SPRYD4: variants seen among roughly 807,000 people sequenced by gnomAD.
SPRYD4 encodes SPRY domain-containing protein 4.
In SPRYD4, 12 loss-of-function variants were observed where a neutral mutation model predicts 16.6. The ratio of observed to expected loss-of-function variants is 0.72; its 90% CI spans 0.46 to 1.17. SPRYD4 has a LOEUF of 1.17. Among genes scored for constraint, SPRYD4 ranks in the 50% most tolerant of loss-of-function variants. The pLI is 0.00. For missense variants in SPRYD4, 260 were observed against 260.2 expected (o/e 1.00, Z 0.00); for synonymous variants, 98 against 105.4 (o/e 0.93, Z 0.43).
At position 56,478,107 on chromosome 12, in the gene SPRYD4, A is replaced by G. The variant is rs1489832157; in HGVS notation, c.*8530A>G. ...TGGCCCACAGAGTGCCTGGAGGCAGACAGATGCCATGAAAGGGGTTGGCCT... is the reference window on the plus strand; with the variant it reads ...TGGCCCACAGAGTGCCTGGAGGCAGGCAGATGCCATGAAAGGGGTTGGCCT... On this transcript the variant is annotated 3_prime_UTR_variant, in exon 2 of 2. Transcript: ENST00000338146. 14 of 1,614,070 alleles carry G rather than the reference A, an allele frequency of 8.7e-6. No homozygotes were observed. Among genetic ancestry groups the G allele is most frequent in the Non-Finnish European group, 1.1e-5 (13 of 1,179,946 alleles).
At position 56,469,025 on chromosome 12, in the gene SPRYD4, TGC is replaced by T; in HGVS notation, c.86-13_86-12del. ...AGCCCCTGTTATTATCCCGTCTTTTTGCTCTGCCCGCAGGCGTCAGTTTCAAA... is the reference window on the plus strand; with the variant it reads ...AGCCCCTGTTATTATCCCGTCTTTTTTCTGCCCGCAGGCGTCAGTTTCAAA... On this transcript the variant is annotated splice_polypyrimidine_tract_variant and intron_variant, in intron 1 of 1. Coordinates refer to ENST00000338146, the MANE Select transcript of SPRYD4 (RefSeq NM_207344.4). 2 of 1,542,498 alleles carry T rather than the reference TGC, an allele frequency of 1.3e-6. No individual in the cohort carries two copies. The highest frequency in any genetic ancestry group is 1.2e-5 in the South Asian group (1 of 80,568).
At chr12:56,468,736 A>G in intron 1 of SPRYD4, 60 bp downstream of exon 1, 1 of 1,557,058 alleles carries the variant, frequency 6.4e-7, no homozygotes, top group Non-Finnish European at 8.8e-7. Flanking sequence ...TTATTCCCAG[A>G]CCCCACTCCG....
chr12:56,475,226 C>G lies in SPRYD4; in HGVS notation c.*5649C>G, dbSNP rs772263719. On this transcript the variant is annotated 3_prime_UTR_variant, in exon 2 of 2. Coordinates refer to ENST00000338146, the MANE Select transcript of SPRYD4 (RefSeq NM_207344.4). ...CATCACACCACAAACTAAATGAACC[C>G]CTTTATAACTTCTCACAGTAATATT... The G allele has an allele frequency of 6.3e-7, 1 of 1,597,478 alleles. No individual in the cohort carries two copies.
At position 56,477,854 on chromosome 12, in the gene SPRYD4, CA is replaced by C; in HGVS notation, c.*8283del. The C allele has an allele frequency of 1.9e-6, 3 of 1,556,556 alleles. No individual in the cohort carries two copies. Among genetic ancestry groups the C allele is most frequent in the Non-Finnish European group, 2.6e-6 (3 of 1,147,154 alleles). ...GGGCTAATCAGGAAGGGCAGAGAAA[CA>C]AAAAAGGCTGGGAGATGGGGTGGGG... On this transcript the variant is annotated 3_prime_UTR_variant, in exon 2 of 2. Coordinates refer to ENST00000338146, the MANE Select transcript of SPRYD4 (RefSeq NM_207344.4).
chr12:56,472,531 TAA>T lies in SPRYD4; in HGVS notation c.*2961_*2962del. 1.5e-6 allele frequency: 1 copy of T among 662,112 alleles called. No individual in the cohort carries two copies. The highest frequency in any genetic ancestry group is 2.6e-6 in the Non-Finnish European group (1 of 385,718). 41.0% of individuals were successfully genotyped at this position (662,112 alleles called of 1,614,324 possible). On this transcript the variant is annotated 3_prime_UTR_variant, in exon 2 of 2. Transcript: ENST00000338146. ...CATAGAGCAGACAGTTTACTTTTTT[TAA>T]AAAAAATCTCCTTTTTTAAAAAAAT...
In SPRYD4 at chr12:56,474,519, A is replaced by G; in HGVS notation, c.*4942A>G. The G allele has an allele frequency of 6.2e-7, 1 of 1,612,780 alleles. No individual in the cohort carries two copies. The highest frequency in any genetic ancestry group is 1.1e-5 in the South Asian group (1 of 91,072). On this transcript the variant is annotated 3_prime_UTR_variant, in exon 2 of 2. Transcript: ENST00000338146. Reference sequence around the variant, plus strand: ...CTTCTTAGCACTGGGCTCATGACAGATGGATAGCAGAGCCAGAAACTCACG... The same window carrying G: ...CTTCTTAGCACTGGGCTCATGACAGGTGGATAGCAGAGCCAGAAACTCACG...
Position 56,471,393 on chromosome 12 carries a change from C to T in SPRYD4, c.*1816C>T, listed in dbSNP as rs1869244360. The T allele has an allele frequency of 7.5e-7, 1 of 1,331,292 alleles. No individual in the cohort carries two copies. The highest frequency in any genetic ancestry group is 1.0e-6 in the Non-Finnish European group (1 of 983,710). The allele number at this position is 1,331,292 out of a possible 1,614,324, so 82.5% of individuals were successfully genotyped here. A position where few individuals can be genotyped will look rare whatever the true frequency, so the allele number is the denominator to read the frequency against. On this transcript the variant is annotated 3_prime_UTR_variant, in exon 2 of 2. Coordinates refer to ENST00000338146, the MANE Select transcript of SPRYD4 (RefSeq NM_207344.4). The stretch of plus-strand genomic sequence containing the variant: ...AATGACTGCTTGGTCCCCACTGAAG[C>T]AGTGTAGCTCTCCATAGTATTTTTG...
rs78782303 is a variant in SPRYD4 at position 56,477,941 on chromosome 12, T to C, written c.*8364T>C. 5 of 1,612,866 alleles carry C rather than the reference T, an allele frequency of 3.1e-6. No homozygotes were observed. Among genetic ancestry groups the C allele is most frequent in the African/African-American group, 2.7e-5 (2 of 74,918 alleles). On this transcript the variant is annotated 3_prime_UTR_variant, in exon 2 of 2. Coordinates refer to ENST00000338146, the MANE Select transcript of SPRYD4 (RefSeq NM_207344.4). ...GCCTTGGTAGTGCTCACCTTCCTCATTGAGGGAGAGCTTGTTGTAGCGCAG... is the reference window on the plus strand; with the variant it reads ...GCCTTGGTAGTGCTCACCTTCCTCACTGAGGGAGAGCTTGTTGTAGCGCAG...
In SPRYD4 at chr12:56,472,946, G is replaced by A. The variant is rs1460249414; in HGVS notation, c.*3369G>A. ...TCTGTCGTTCAGGCTGAAGTGTAGTGGCGCGCGGTCTTGGCTCACTGCAAC... is the reference window on the plus strand; with the variant it reads ...TCTGTCGTTCAGGCTGAAGTGTAGTAGCGCGCGGTCTTGGCTCACTGCAAC... On this transcript the variant is annotated 3_prime_UTR_variant, in exon 2 of 2. Transcript: ENST00000338146. 5 of 573,504 alleles carry A rather than the reference G, an allele frequency of 8.7e-6. No individual in the cohort carries two copies. Among genetic ancestry groups the A allele is most frequent in the African/African-American group, 2.0e-5 (1 of 50,670 alleles). The allele number at this position is 573,504 out of a possible 1,614,324, so 35.5% of individuals were successfully genotyped here.
chr12:56,472,953 G>A lies in SPRYD4; in HGVS notation c.*3376G>A, dbSNP rs1030333139. On this transcript the variant is annotated 3_prime_UTR_variant, in exon 2 of 2. Coordinates refer to ENST00000338146, the MANE Select transcript of SPRYD4 (RefSeq NM_207344.4). ...TTCAGGCTGAAGTGTAGTGGCGCGC[G>A]GTCTTGGCTCACTGCAACCTCTGCC... The A allele has an allele frequency of 3.9e-5, 23 of 585,292 alleles. No homozygotes were observed. The highest frequency in any genetic ancestry group is 2.5e-4 in the South Asian group (12 of 47,564). The allele number at this position is 585,292 out of a possible 1,614,324, so 36.3% of individuals were successfully genotyped here.
rs948821310 is a variant in SPRYD4, at chr12:56,470,944, A to T, written c.*1367A>T. The stretch of plus-strand genomic sequence containing the variant: ...TAGGGAAGAAAGAAGGACTGGGTTT[A>T]GCAAAAATGATTTGGTAATTAAAGT... On this transcript the variant is annotated 3_prime_UTR_variant, in exon 2 of 2. Coordinates refer to ENST00000338146, the MANE Select transcript of SPRYD4 (RefSeq NM_207344.4). The T allele has an allele frequency of 1.9e-5, 3 of 157,338 alleles. No individual in the cohort carries two copies. Among genetic ancestry groups the T allele is most frequent in the Non-Finnish European group, 4.2e-5 (3 of 71,420 alleles). 9.7% of individuals were successfully genotyped at this position (157,338 alleles called of 1,614,324 possible). A position where few individuals can be genotyped will look rare whatever the true frequency, so the allele number is the denominator to read the frequency against.
chr12:56,473,258 T>G lies in SPRYD4; in HGVS notation c.*3681T>G. On this transcript the variant is annotated 3_prime_UTR_variant, in exon 2 of 2. Coordinates refer to ENST00000338146, the MANE Select transcript of SPRYD4 (RefSeq NM_207344.4). ...TTTCTGCCCCTTCACGCCGTGGGTC[T>G]AACTTCCGAGCACAGTGCCTCAGGT... 1 of 1,614,172 alleles carries G rather than the reference T, an allele frequency of 6.2e-7. No homozygotes were observed. Among genetic ancestry groups the G allele is most frequent in the Non-Finnish European group, 8.5e-7 (1 of 1,180,038 alleles).
Position 56,479,691 on chromosome 12 carries a change from A to G in SPRYD4, c.*10114A>G. ...ATAAAATAAAATGAGGAATTGAACTATACAATTCCCAAATTCCTCCCTGCT... is the reference window on the plus strand; with the variant it reads ...ATAAAATAAAATGAGGAATTGAACTGTACAATTCCCAAATTCCTCCCTGCT... On this transcript the variant is annotated 3_prime_UTR_variant, in exon 2 of 2. Coordinates refer to ENST00000338146, the MANE Select transcript of SPRYD4 (RefSeq NM_207344.4). The G allele has an allele frequency of 7.0e-7, 1 of 1,420,036 alleles. No individual in the cohort carries two copies. Among genetic ancestry groups the G allele is most frequent in the Non-Finnish European group, 9.4e-7 (1 of 1,064,814 alleles). The allele number at this position is 1,420,036 out of a possible 1,614,324, so 88.0% of individuals were successfully genotyped here. A position where few individuals can be genotyped will look rare whatever the true frequency, so the allele number is the denominator to read the frequency against.
In SPRYD4 at chr12:56,478,000, G is replaced by C. The variant is rs768560437; in HGVS notation, c.*8423G>C. 3 of 1,614,232 alleles carry C rather than the reference G, an allele frequency of 1.9e-6. No individual in the cohort carries two copies. Among genetic ancestry groups the C allele is most frequent in the Non-Finnish European group, 2.5e-6 (3 of 1,180,038 alleles). ...GCTCTTTGCCCACAAACTTGTGCAC[G>C]TAGTCAGTGCCTAGGGTGCTTATGG... On this transcript the variant is annotated 3_prime_UTR_variant, in exon 2 of 2. Coordinates refer to ENST00000338146, the MANE Select transcript of SPRYD4 (RefSeq NM_207344.4).
Position 56,471,320 on chromosome 12 carries a change from G to A in SPRYD4, c.*1743G>A, listed in dbSNP as rs1229266375. 7.4e-6 allele frequency: 5 copies of A among 672,742 alleles called. No homozygotes were observed. The highest frequency in any genetic ancestry group is 1.8e-5 in the African/African-American group (1 of 55,178). The allele number at this position is 672,742 out of a possible 1,614,324, so 41.7% of individuals were successfully genotyped here. A position where few individuals can be genotyped will look rare whatever the true frequency, so the allele number is the denominator to read the frequency against. ...CCTTCTCTGTACTCTGTCTGCTGAG[G>A]GAATGGGGTATTTTGACTCCCATAG... On this transcript the variant is annotated 3_prime_UTR_variant, in exon 2 of 2. Coordinates refer to ENST00000338146, the MANE Select transcript of SPRYD4 (RefSeq NM_207344.4).
At position 56,469,707 on chromosome 12, in the gene SPRYD4, C is replaced by G; in HGVS notation, c.*130C>G. The G allele has an allele frequency of 2.3e-6, 2 of 883,872 alleles. No homozygotes were observed. Among genetic ancestry groups the G allele is most frequent in the Non-Finnish European group, 3.4e-6 (2 of 595,230 alleles). 54.8% of individuals were successfully genotyped at this position (883,872 alleles called of 1,614,324 possible). ...CAGTGTTGGGTCCTCTGTGCAATATCATGATCATCTTCCTCATCCCCTACC... is the reference window on the plus strand; with the variant it reads ...CAGTGTTGGGTCCTCTGTGCAATATGATGATCATCTTCCTCATCCCCTACC... On this transcript the variant is annotated 3_prime_UTR_variant, in exon 2 of 2. Transcript: ENST00000338146.
Position 56,475,312 on chromosome 12 carries a change from A to C in SPRYD4, c.*5735A>C. ...TAGTTTTGTTATAAAGTAAACCCAA[A>C]CCAAACACCCCAAACTGTCTAGTCA... On this transcript the variant is annotated 3_prime_UTR_variant, in exon 2 of 2. Transcript: ENST00000338146. The C allele has an allele frequency of 3.0e-6, 4 of 1,342,826 alleles. No individual in the cohort carries two copies. The highest frequency in any genetic ancestry group is 4.0e-6 in the Non-Finnish European group (4 of 994,026). 83.2% of individuals were successfully genotyped at this position (1,342,826 alleles called of 1,614,324 possible).
At position 56,477,830 on chromosome 12, in the gene SPRYD4, G is replaced by T; in HGVS notation, c.*8253G>T. On this transcript the variant is annotated 3_prime_UTR_variant, in exon 2 of 2. Coordinates refer to ENST00000338146, the MANE Select transcript of SPRYD4 (RefSeq NM_207344.4). ...ACTGCTAGGGAGAAAGGCATGACAG[G>T]GCTAATCAGGAAGGGCAGAGAAACA... 6.5e-7 allele frequency: 1 copy of T among 1,540,034 alleles called. No individual in the cohort carries two copies. The highest frequency in any genetic ancestry group is 8.8e-7 in the Non-Finnish European group (1 of 1,131,376).
Position 56,469,675 on chromosome 12 carries a change from C to A in SPRYD4, c.*98C>A. The A allele has an allele frequency of 8.3e-7, 1 of 1,203,080 alleles. No homozygotes were observed. The allele number at this position is 1,203,080 out of a possible 1,614,324, so 74.5% of individuals were successfully genotyped here. ...TTTGCCTCAAGCAACCTCTAGCTCC[C>A]ACAATTCAGTGTTGGGTCCTCTGTG... is the stretch of plus-strand genomic sequence containing the variant. On this transcript the variant is annotated 3_prime_UTR_variant, in exon 2 of 2. Transcript: ENST00000338146.
Sources: allele counts gnomAD v4.1 joint callset, GRCh38; gene constraint gnomAD v4.1.1; transcripts MANE v1.5; gene names NCBI Gene and HGNC (gene_info 2026-07-23, HGNC 2026-07-21).